Variants in MCM3 observed in about 807,000 individuals in gnomAD.
The protein encoded by MCM3 is DNA replication licensing factor MCM3.
MCM3 carries 59 observed loss-of-function variants against 91.3 expected under a neutral mutation model. That is an observed-to-expected ratio of 0.65 (90% CI 0.52 to 0.80). The LOEUF (loss-of-function observed/expected upper bound fraction) is 0.80, where lower values mean the gene tolerates loss of function less well. Ranked by LOEUF, MCM3 falls within the 30% of genes least tolerant of loss-of-function variation. MCM3 has a pLI of 0.00. For missense variants in MCM3, 919 were observed against 1,035.4 expected (o/e 0.89, Z 1.54); for synonymous variants, 383 against 379.6 (o/e 1.01, Z -0.10).
chr6:52,270,765 AAAAG>A (rs1272514613), intron 12 of MCM3, among the ~76,000 whole-genome samples: 1 of 152,216 alleles, frequency 6.6e-6, no homozygotes, highest in Non-Finnish European at 1.5e-5. Context: ...GGAACAGTTA[AAAAG>A]AAAGTAAGCT....
chr6:52,282,833 C>A lies in MCM3; in HGVS notation c.220G>T (p.Val74Phe), dbSNP rs927288183. ...TCCTTTAAGGCCCGCTGGAAGGCAACCAGCTCCTCAAAGGCATTGTTCAGA... is the reference window on the plus strand; with the variant it reads ...TCCTTTAAGGCCCGCTGGAAGGCAAACAGCTCCTCAAAGGCATTGTTCAGA... ...RLLNNAFEEL[V>F]AFQRALKDFV... The change falls in exon 3 of 17, where the codon GTT becomes TTT. Residue 74 changes from valine to phenylalanine, a missense_variant. Val to Phe is a conservative substitution (Grantham distance 50, BLOSUM62 -1). Transcript: ENST00000596288. The A allele has an allele frequency of 2.5e-6, 4 of 1,614,002 alleles. No individual in the cohort carries two copies. In the South Asian group the frequency reaches 4.4e-5, roughly 18 times the overall value.
At position 52,282,657 on chromosome 6, in the gene MCM3, A is replaced by G; in HGVS notation, c.396T>C (p.Thr132=). 1 of 1,612,908 alleles carries G rather than the reference A, an allele frequency of 6.2e-7. No individual in the cohort carries two copies. Among genetic ancestry groups the G allele is most frequent in the Non-Finnish European group, 8.5e-7 (1 of 1,179,972 alleles). The change falls in exon 3 of 17, where the codon ACT becomes ACC. Residue 132 remains threonine, a synonymous_variant. Transcript: ENST00000596288. ...GGCCCCCTTTAACCCACTTACATTT[A>G]GTGACAATGCCCTCCACACAGACCA... ...SCVVCVEGIV[T]KCSLVRPKVV...
chr6:52,280,657 G>C (rs2284846), intron 4 of MCM3, among the ~76,000 whole-genome samples: 8,163 of 152,242 alleles, frequency 0.054, 447 homozygotes, highest in East Asian at 0.28. Context: ...AAGAAGCTTG[G>C]CCACAGTAAT....
Position 52,282,679 on chromosome 6 carries a change from A to C in MCM3, c.374T>G (p.Val125Gly), listed in dbSNP as rs764929595. Residue 125 changes from valine (V) to glycine (G), a missense_variant, in exon 3 of 17, where the codon GTC becomes GGC. Transcript: ENST00000596288. ...TLTSCFLSCV[V>G]CVEGIVTKCS... ...TTTAGTGACAATGCCCTCCACACAG[A>C]CCACACAGCTGAGGAAGCAGGAGGT... is the stretch of plus-strand genomic sequence containing the variant. The C allele has an allele frequency of 6.2e-7, 1 of 1,613,516 alleles. No individual in the cohort carries two copies. Among genetic ancestry groups the C allele is most frequent in the South Asian group, 1.1e-5 (1 of 91,060 alleles).
At chr6:52,278,070 CAAAAAAAA>C (rs61625257) in intron 6 of MCM3, among the ~76,000 whole-genome samples, 65 of 38,970 alleles carry the variant, frequency 1.7e-3, no homozygotes, top group Non-Finnish European at 2.1e-3. Flanking sequence ...TCCGTCTCAC[CAAAAAAAA>C]AAAAAAAAAA....
chr6:52,279,589 T>C lies in MCM3; in HGVS notation c.542A>G (p.Asn181Ser), dbSNP rs773114850. The part of the protein sequence containing the change: ...SSVYPTKDEE[N>S]NPLETEYGLS... ...GCCATATTCTGTCTCAAGGGGATTG[T>C]TCTCCTCATCCTAGAAAAAGGCACA... Residue 181 changes from asparagine to serine, a missense_variant, in exon 5 of 17, where the codon AAC becomes AGC. By Grantham distance (46) the Asn-to-Ser change is conservative (BLOSUM62 1). This residue lies in a region of MCM3 where 401 missense variants were observed against 402.7 expected (regional missense o/e 1.00). Transcript: ENST00000596288. The C allele has an allele frequency of 3.7e-6, 6 of 1,612,342 alleles. No homozygotes were observed. The highest frequency in any genetic ancestry group is 4.2e-6 in the Non-Finnish European group (5 of 1,178,706).
At chr6:52,271,738 T>C (rs1244810264) in intron 12 of MCM3, among the ~76,000 whole-genome samples, 2 of 152,218 alleles carry the variant, frequency 1.3e-5, no homozygotes, top group African/African-American at 2.4e-5. Context: ...ATAACCATCA[T>C]GGTTGCCTGT....
chr6:52,277,727 C>G (rs749650760), intron 6 of MCM3, 39 bp from the exon 7 acceptor site: 21 of 1,596,316 alleles, frequency 1.3e-5, no homozygotes, highest in Non-Finnish European at 1.8e-5. Flanking sequence ...TAGTGAGATT[C>G]AATGGGACTT....
At chr6:52,279,322 G>T in intron 5 of MCM3, 39 bp downstream of exon 5, 1 of 1,511,948 alleles carries the variant, frequency 6.6e-7, no homozygotes, top group Non-Finnish European at 9.1e-7. Flanking sequence ...AATGGAAGCT[G>T]TCAACAGCAT....
At chr6:52,278,911 T>C in intron 5 of MCM3, 61 bp from the exon 6 acceptor site, 1 of 1,218,364 alleles carries the variant, frequency 8.2e-7, no homozygotes, top group Non-Finnish European at 1.2e-6. Context: ...CAGTAGCTAG[T>C]ACCCCTAGCA....
Position 52,264,729 on chromosome 6 carries a change from T to G in MCM3, c.2286A>C (p.Ser762=). Reference sequence around the variant, plus strand: ...ATTCTGTGAGGCGATTCATGCCGATTGACTGCGCATGAGCTTCCCGGAACA... The same window carrying G: ...ATTCTGTGAGGCGATTCATGCCGATGGACTGCGCATGAGCTTCCCGGAACA... ...LDVFREAHAQ[S]IGMNRLTESI... The change falls in exon 17 of 17, where the codon TCA becomes TCC. Residue 762 remains serine (S), a synonymous_variant. Transcript: ENST00000596288. The G allele has an allele frequency of 6.2e-7, 1 of 1,614,200 alleles. No individual in the cohort carries two copies. The highest frequency in any genetic ancestry group is 1.1e-5 in the South Asian group (1 of 91,076).
In MCM3 at chr6:52,273,823, C is replaced by A. The variant is rs558194534; in HGVS notation, c.1468G>T (p.Asp490Tyr). 4.3e-6 allele frequency: 7 copies of A among 1,614,138 alleles called. No homozygotes were observed. The African/African-American group carries it at 9.3e-5, about 22-fold the overall frequency. The change falls in exon 10 of 17, where the codon GAT becomes TAT. Residue 490 changes from aspartate to tyrosine, a missense_variant. Coordinates refer to ENST00000596288, the MANE Select transcript of MCM3 (RefSeq NM_002388.6). ...DLLFIMLDQM[D>Y]PEQDREISDH... is the part of the protein sequence containing the mutation. ...GAGATCTCCCGATCCTGCTCAGGAT[C>A]CATCTGATCCAGCATGATGAAGAGC... is the stretch of plus-strand genomic sequence containing the variant.
At chr6:52,271,722 C>A (rs1765147861) in intron 12 of MCM3, among the ~76,000 whole-genome samples, 2 of 152,182 alleles carry the variant, frequency 1.3e-5, no homozygotes, top group Admixed American at 1.3e-4. Context: ...CCAGAAATTG[C>A]TTTGAATAAC....
chr6:52,266,133 T>C lies in MCM3; in HGVS notation c.2170A>G (p.Lys724Glu), dbSNP rs1170673872. 3 of 1,613,746 alleles carry C rather than the reference T, an allele frequency of 1.9e-6. No homozygotes were observed. The highest frequency in any genetic ancestry group is 2.5e-6 in the Non-Finnish European group (3 of 1,179,784). ...TTGGTCTCCTGTGAGTCTGCCGTCT[T>C]TGGAGTGTGTACTTCAGAGGGTTGA... The part of the protein sequence containing the change: ...EEEMPQVHTP[K>E]TADSQETKES... Residue 724 changes from lysine (K) to glutamate (E), a missense_variant, in exon 16 of 17, where the codon AAG becomes GAG. Transcript: ENST00000596288.
chr6:52,265,376 G>T, intron 16 of MCM3: 1 of 311,474 alleles, frequency 3.2e-6, no homozygotes, highest in Non-Finnish European at 6.4e-6. Flanking sequence ...AACATGGTGA[G>T]ATCCCGTCTC....
chr6:52,275,073 A>G (rs1487047643), intron 9 of MCM3, among the ~76,000 whole-genome samples: 1 of 152,124 alleles, frequency 6.6e-6, no homozygotes, highest in African/African-American at 2.4e-5. Context: ...CCTATCATTA[A>G]TTTTAAAAGC....
In MCM3 at chr6:52,282,036, C is replaced by A. The variant is rs1424408265; in HGVS notation, c.531+9G>T. ...CTCCAAGACAGCTCAACTGATTTAT[C>A]CCCCTTACCTTGGTAGGATAGACAG... On this transcript the variant is annotated intron_variant, in intron 4 of 16. Coordinates refer to ENST00000596288, the MANE Select transcript of MCM3 (RefSeq NM_002388.6). 1.9e-6 allele frequency: 3 copies of A among 1,613,332 alleles called. No individual in the cohort carries two copies. The highest frequency in any genetic ancestry group is 2.5e-6 in the Non-Finnish European group (3 of 1,179,694).
chr6:52,280,948 C>T (rs1201226969), intron 4 of MCM3, among the ~76,000 whole-genome samples: 1 of 152,192 alleles, frequency 6.6e-6, no homozygotes, highest in Non-Finnish European at 1.5e-5. Context: ...TGTTTCATTT[C>T]TCCACCACTG....
rs1339388833 is a variant in MCM3, at chr6:52,267,866, T to C, written c.2071A>G (p.Arg691Gly). Residue 691 changes from arginine (R) to glycine (G), a missense_variant and splice_region_variant, in exon 14 of 17, where the codon AGA becomes GGA. By Grantham distance (125) the Arg-to-Gly change is moderately radical. Coordinates refer to ENST00000596288, the MANE Select transcript of MCM3 (RefSeq NM_002388.6). Reference protein sequence around the residue: ...SQEDQEQKRKRRKTRQPDAKD... With the variant: ...SQEDQEQKRKGRKTRQPDAKD... The stretch of plus-strand genomic sequence containing the variant: ...TCTCATTTGCTTGCCCCACCTTACC[T>C]CTTCCTCTTCTGCTCCTGGTCCTCT... 1 of 1,064,040 alleles carries C rather than the reference T, an allele frequency of 9.4e-7. No homozygotes were observed. The allele number at this position is 1,064,040 out of a possible 1,614,324, so 65.9% of individuals were successfully genotyped here. A position where few individuals can be genotyped will look rare whatever the true frequency, so the allele number is the denominator to read the frequency against.
Sources: allele counts gnomAD v4.1 joint callset (sites outside exome capture counted in the v4.1 genomes callset), GRCh38; gene constraint gnomAD v4.1.1; regional missense constraint gnomAD v4.1.1; transcripts MANE v1.5; gene names NCBI Gene and HGNC (gene_info 2026-07-23, HGNC 2026-07-21).